The following SLC24A2 variants were observed in gnomAD, a reference collection of about 807,000 sequenced individuals.
SLC24A2 encodes solute carrier family 24 member 2, also known as sodium/potassium/calcium exchanger 2.
Under a neutral mutation model 62.0 loss-of-function variants are expected in SLC24A2, and 36 were observed. The ratio of observed to expected loss-of-function variants is 0.58; its 90% CI spans 0.44 to 0.77. The LOEUF is 0.77. Among genes scored for constraint, SLC24A2 ranks in the 30% least tolerant of loss-of-function variants. The probability of loss-of-function intolerance (pLI) is 0.00; values close to 1 mark genes in which losing one functional copy is unlikely to be tolerated. For missense variants in SLC24A2, 846 were observed against 817.9 expected (o/e 1.03, Z -0.42); for synonymous variants, 358 against 294.0 (o/e 1.22, Z -2.23).
chr9:19,531,990 C>T (rs1428576894), intron 8 of SLC24A2, among the ~76,000 whole-genome samples: 1 of 152,132 alleles, frequency 6.6e-6, no homozygotes, highest in Non-Finnish European at 1.5e-5. Context: ...TCCACCACCC[C>T]TGAGGATACC....
At position 19,680,851 on chromosome 9, in the gene SLC24A2, T is replaced by TTGTGTGAGTG. The variant is rs1554697846; in HGVS notation, c.931-58553_931-58552insCACTCACACA. On this transcript the variant is annotated intron_variant, in intron 2 of 10. Coordinates refer to ENST00000341998, the MANE Select transcript of SLC24A2 (RefSeq NM_020344.4). ...TTTAAACTCAAAATATATACCAGAG[T>TTGTGTGAGTG]TGTGTGTGTGTGTGTGTGTGTGTGT... is the stretch of plus-strand genomic sequence containing the variant. Among the ~76,000 whole-genome samples the TTGTGTGAGTG allele has an allele frequency of 5.2e-3, 763 of 147,074 alleles. 7 individuals are homozygous for TTGTGTGAGTG. The highest frequency in any genetic ancestry group is 0.015 in the African/African-American group (609 of 39,806).
intron 1 of SLC24A2, chr9:19,788,401 G>T: frequency 1.6e-6 from 1 of 634,876 alleles, no homozygotes; most frequent in Non-Finnish European, 2.0e-6. Flanking sequence ...AAAACCCACC[G>T]CTCGTCTCCC....
chr9:20,024,975 C>T, the SLC24A2 span, among the ~76,000 whole-genome samples: 3 of 152,146 alleles, frequency 2.0e-5, no homozygotes, highest in African/African-American at 4.8e-5. Context: ...GTACCCTCTT[C>T]CCTAGACCAC....
At chr9:19,811,183 C>G in the SLC24A2 span, among the ~76,000 whole-genome samples, 1 of 152,184 alleles carries the variant, frequency 6.6e-6, no homozygotes, top group Non-Finnish European at 1.5e-5. Flanking sequence ...AGCTCCCTCT[C>G]TTTCTGCCAT....
the SLC24A2 span, among the ~76,000 whole-genome samples, chr9:19,801,462 C>T: frequency 4.0e-5 from 6 of 151,360 alleles, no homozygotes; most frequent in Non-Finnish European, 5.9e-5. Flanking sequence ...AAGCTCAGCT[C>T]GAGCCATAAC....
chr9:19,963,947 T>G, the SLC24A2 span, among the ~76,000 whole-genome samples: 1 of 151,990 alleles, frequency 6.6e-6, no homozygotes, highest in African/African-American at 2.4e-5. Context: ...CTATTCACAA[T>G]AGCAAAGACT....
chr9:19,842,620 C>T, the SLC24A2 span, among the ~76,000 whole-genome samples: 16 of 152,180 alleles, frequency 1.1e-4, no homozygotes, highest in African/African-American at 3.9e-4. Flanking sequence ...GGTTTAGAGA[C>T]CTTAGTCTCC....
At position 19,576,965 on chromosome 9, in the gene SLC24A2, A is replaced by G; in HGVS notation, c.1187T>C (p.Val396Ala). 6.2e-7 allele frequency: 1 copy of G among 1,614,154 alleles called. No homozygotes were observed. The highest frequency in any genetic ancestry group is 8.5e-7 in the Non-Finnish European group (1 of 1,180,010). The stretch of plus-strand genomic sequence containing the variant: ...CCCATTCTGCCTCTCGTTCTCATCC[A>G]CATGACATTTCTTCTTGGCGATCTT... Reference protein sequence around the residue: ...LHKIAKKKCHVDENERQNGAA... With the variant: ...LHKIAKKKCHADENERQNGAA... The change falls in exon 6 of 11, where the codon GTG becomes GCG. Residue 396 changes from valine to alanine, a missense_variant. By Grantham distance (64) the Val-to-Ala change is moderately conservative. Coordinates refer to ENST00000341998, the MANE Select transcript of SLC24A2 (RefSeq NM_020344.4).
At chr9:20,210,518 G>C in the SLC24A2 span, among the ~76,000 whole-genome samples, 1 of 151,930 alleles carries the variant, frequency 6.6e-6, no homozygotes, top group Non-Finnish European at 1.5e-5. Context: ...CTGTCGCCCA[G>C]GCTGGAGTGT....
intron 2 of SLC24A2, among the ~76,000 whole-genome samples, chr9:19,665,046 A>G (rs993613694): frequency 3.9e-5 from 6 of 152,208 alleles, no homozygotes; most frequent in Admixed American, 6.5e-5. Flanking sequence ...CCTCTTCCTC[A>G]TAGAATTTCA....
At chr9:20,158,588 T>C in the SLC24A2 span, among the ~76,000 whole-genome samples, 11 of 151,712 alleles carry the variant, frequency 7.3e-5, no homozygotes, top group South Asian at 1.7e-3. Flanking sequence ...AATTCTGTTG[T>C]CTATAATTAA....
the SLC24A2 span, among the ~76,000 whole-genome samples, chr9:20,055,786 G>A: frequency 6.6e-6 from 1 of 152,172 alleles, no homozygotes; most frequent in Admixed American, 6.5e-5. Context: ...TACTTAGGGA[G>A]GCTGAGGCAG....
chr9:19,710,769 C>G (rs934432105), intron 2 of SLC24A2, among the ~76,000 whole-genome samples: 1 of 152,126 alleles, frequency 6.6e-6, no homozygotes. Flanking sequence ...AGGCAGATCG[C>G]TCTGGCCACA....
the SLC24A2 span, among the ~76,000 whole-genome samples, chr9:20,133,712 C>G: frequency 2.0e-5 from 3 of 152,004 alleles, no homozygotes; most frequent in Non-Finnish European, 4.4e-5. Flanking sequence ...CATCACTTAC[C>G]CAACTCTTAA....
At chr9:19,624,436 A>G (rs1235580699) in intron 2 of SLC24A2, among the ~76,000 whole-genome samples, 1 of 152,160 alleles carries the variant, frequency 6.6e-6, no homozygotes, top group Non-Finnish European at 1.5e-5. Context: ...AAGGAAGGAA[A>G]AAAAAATCCA....
the SLC24A2 span, among the ~76,000 whole-genome samples, chr9:20,287,218 T>C: frequency 2.3e-3 from 343 of 152,286 alleles, 1 homozygote; most frequent in Non-Finnish European, 3.4e-3. Context: ...CTCAGCAGTT[T>C]AAAAGGACAA....
chr9:19,602,302 G>A (rs928726083), intron 4 of SLC24A2, among the ~76,000 whole-genome samples: 17 of 152,136 alleles, frequency 1.1e-4, no homozygotes, highest in Admixed American at 1.0e-3. Context: ...CTATGATTGG[G>A]CCAAAATCTA....
intron 2 of SLC24A2, among the ~76,000 whole-genome samples, chr9:19,721,455 G>C (rs536916610): frequency 1.4e-4 from 22 of 152,206 alleles, no homozygotes; most frequent in African/African-American, 5.1e-4. Context: ...AACAAAAGAA[G>C]AGAAGACAGA....
At chr9:20,005,816 G>T in the SLC24A2 span, among the ~76,000 whole-genome samples, 1 of 148,920 alleles carries the variant, frequency 6.7e-6, no homozygotes. Context: ...GGAAAATCAT[G>T]AATAGTCAAA....
Sources: allele counts gnomAD v4.1 joint callset (sites outside exome capture counted in the v4.1 genomes callset), GRCh38; gene constraint gnomAD v4.1.1; transcripts MANE v1.5; gene names NCBI Gene and HGNC (gene_info 2026-07-23, HGNC 2026-07-21).